The following FSTL5 variants were observed in gnomAD, a reference collection of about 807,000 sequenced individuals.
The protein encoded by FSTL5 is follistatin-related protein 5.
Under a neutral mutation model 89.1 loss-of-function variants are expected in FSTL5, and 62 were observed. The observed-to-expected ratio is 0.70, with a 90% CI of 0.57 to 0.86. The LOEUF (loss-of-function observed/expected upper bound fraction) is 0.86, where lower values mean the gene tolerates loss of function less well. Among genes scored for constraint, FSTL5 ranks in the 40% least tolerant of loss-of-function variants. The probability of loss-of-function intolerance (pLI) is 0.00; values close to 1 mark genes in which losing one functional copy is unlikely to be tolerated. For missense variants in FSTL5, 1,057 were observed against 1,001.6 expected, an observed-to-expected ratio of 1.06 and a Z score of -0.75; for synonymous variants, 383 against 346.2, an observed-to-expected ratio of 1.11 and a Z score of -1.18.
chr4:161,746,913 C>A (rs1287321760), intron 6 of FSTL5, among the ~76,000 whole-genome samples: 4 of 152,206 alleles, frequency 2.6e-5, no homozygotes, highest in South Asian at 2.1e-4. Flanking sequence ...TGCTGATGGG[C>A]CCCCCATAGC....
chr4:161,636,558 C>T (rs1289202865), intron 7 of FSTL5, among the ~76,000 whole-genome samples: 23 of 149,690 alleles, frequency 1.5e-4, no homozygotes, highest in Admixed American at 4.7e-4. Context: ...GTGCGCTGCA[C>T]GCACTAACTC....
intron 5 of FSTL5, among the ~76,000 whole-genome samples, chr4:161,762,692 C>G (rs1468863441): frequency 1.3e-5 from 2 of 152,148 alleles, no homozygotes; most frequent in Non-Finnish European, 2.9e-5. Context: ...AAAGACCAAT[C>G]ATATTTTCAC....
chr4:162,078,015 CTATGG>C (rs1217142390), intron 2 of FSTL5, among the ~76,000 whole-genome samples: 2 of 151,776 alleles, frequency 1.3e-5, no homozygotes, highest in African/African-American at 4.8e-5. Flanking sequence ...CCCATGAAAA[CTATGG>C]TAGTTATGTT....
At chr4:161,828,759 T>C (rs2840027) in intron 4 of FSTL5, among the ~76,000 whole-genome samples, 19,475 of 152,176 alleles carry the variant, frequency 0.13, 1,363 homozygotes, top group Middle Eastern at 0.17. Flanking sequence ...AATAAATGTA[T>C]GTACTTTGTC....
chr4:162,110,712 T>C (rs1266154056), intron 2 of FSTL5, among the ~76,000 whole-genome samples: 2 of 151,602 alleles, frequency 1.3e-5, no homozygotes, highest in African/African-American at 4.8e-5. Context: ...TAATTTATTA[T>C]ATGCCTAAAT....
At chr4:162,126,670 T>C (rs571166305) in intron 1 of FSTL5, among the ~76,000 whole-genome samples, 1 of 152,342 alleles carries the variant, frequency 6.6e-6, no homozygotes, top group East Asian at 1.9e-4. Flanking sequence ...TTTTGTCTTT[T>C]AAAAGTAACA....
chr4:162,016,851 T>G (rs1736929671), intron 3 of FSTL5, among the ~76,000 whole-genome samples: 1 of 151,958 alleles, frequency 6.6e-6, no homozygotes, highest in African/African-American at 2.4e-5. Context: ...AGTCTTAGAG[T>G]TAAAGCTATT....
chr4:161,434,968 G>A (rs748294933), intron 15 of FSTL5, among the ~76,000 whole-genome samples: 2 of 152,016 alleles, frequency 1.3e-5, no homozygotes, highest in East Asian at 1.9e-4. Flanking sequence ...TTCTAGACAG[G>A]TAGTGGCAAT....
At chr4:161,919,254 T>C (rs1319178447) in intron 4 of FSTL5, among the ~76,000 whole-genome samples, 2 of 152,114 alleles carry the variant, frequency 1.3e-5, no homozygotes, top group Non-Finnish European at 2.9e-5. Context: ...GTCATAAAAT[T>C]CTCTGCACAT....
chr4:161,875,716 T>C (rs1316610736), intron 4 of FSTL5, among the ~76,000 whole-genome samples: 1 of 152,216 alleles, frequency 6.6e-6, no homozygotes, highest in Non-Finnish European at 1.5e-5. Flanking sequence ...ATGGTATGAC[T>C]CTTGATTTTA....
rs141525324 is a variant in FSTL5 at position 162,142,655 on chromosome 4, G to C, written c.-17+20960C>G. The stretch of plus-strand genomic sequence containing the variant: ...TTGATAAGGAAGAAAAAGAATGGGG[G>C]ACCCTTGGAGCAATGCCTTTGAGTA... On this transcript the variant is annotated intron_variant, in intron 1 of 15. Transcript: ENST00000306100. Among the ~76,000 whole-genome samples, 428 of 152,168 alleles carry C rather than the reference G, an allele frequency of 2.8e-3. 3 individuals are homozygous for C. Among genetic ancestry groups the C allele is most frequent in the African/African-American group, 9.8e-3 (407 of 41,532 alleles).
chr4:161,930,466 G>A (rs1734255203), intron 3 of FSTL5, among the ~76,000 whole-genome samples: 1 of 151,762 alleles, frequency 6.6e-6, no homozygotes, highest in Non-Finnish European at 1.5e-5. Flanking sequence ...ATGCTTCCAT[G>A]AGAAAGTTTA....
At chr4:161,611,682 T>C (rs1483979697) in intron 7 of FSTL5, among the ~76,000 whole-genome samples, 1 of 152,186 alleles carries the variant, frequency 6.6e-6, no homozygotes, top group Non-Finnish European at 1.5e-5. Flanking sequence ...ATGCTAATTT[T>C]GTAGTGCAAC....
intron 6 of FSTL5, among the ~76,000 whole-genome samples, chr4:161,683,242 C>T (rs1316047662): frequency 6.6e-6 from 1 of 150,398 alleles, no homozygotes. Flanking sequence ...ATGAGTAATG[C>T]GTTGTGATTC....
At chr4:161,566,803 C>T (rs1487517862) in intron 8 of FSTL5, among the ~76,000 whole-genome samples, 1 of 151,814 alleles carries the variant, frequency 6.6e-6, no homozygotes, top group Non-Finnish European at 1.5e-5. Context: ...ATAAGAAAAG[C>T]GTTAAAAGGT....
At chr4:161,758,841 TA>T (rs1740676641) in intron 6 of FSTL5, among the ~76,000 whole-genome samples, 2 of 152,182 alleles carry the variant, frequency 1.3e-5, no homozygotes, top group African/African-American at 4.8e-5. Context: ...TTTTAAAGAA[TA>T]ACCTGATAAG....
chr4:161,880,722 C>T (rs1732600655), intron 4 of FSTL5, among the ~76,000 whole-genome samples: 1 of 152,084 alleles, frequency 6.6e-6, no homozygotes. Context: ...TGCAAAGAAA[C>T]AAATTATTGG....
chr4:161,784,892 C>CA (rs67493163), intron 4 of FSTL5, among the ~76,000 whole-genome samples: 7 of 79,204 alleles, frequency 8.8e-5, no homozygotes, highest in Admixed American at 1.7e-4. Context: ...GACTCCGTCT[C>CA]AAAAAAAACA....
rs1057364977 is a variant in FSTL5, at chr4:161,528,199, G to C, written c.1312+9967C>G. Among the ~76,000 whole-genome samples the C allele has an allele frequency of 6.5e-5, 9 of 137,666 alleles. 2 individuals are homozygous for C. Among genetic ancestry groups the C allele is most frequent in the Non-Finnish European group, 1.3e-4 (8 of 63,746 alleles). The allele number at this position is 137,666 out of a possible 152,430, so 90.3% of individuals were successfully genotyped here. On this transcript the variant is annotated intron_variant, in intron 10 of 15. Transcript: ENST00000306100. ...TTAGGAGATATACCTAATGCTAAAT[G>C]ACGAGTTAATGGGTGCAGCACACCA... is the stretch of plus-strand genomic sequence containing the variant.
Sources: gnomAD v4.1 joint callset for allele counts (sites outside exome capture counted in the v4.1 genomes callset) on GRCh38, gnomAD v4.1.1 for gene constraint, MANE v1.5 for transcripts, NCBI Gene and HGNC (gene_info 2026-07-23, HGNC 2026-07-21) for gene names.